ELK3: variants seen among roughly 807,000 people sequenced by gnomAD.
The protein encoded by ELK3 is ETS transcription factor ELK3, also known as ETS domain-containing protein Elk-3.
A neutral mutation model predicts 28.9 loss-of-function variants in ELK3; 10 were observed. The observed-to-expected ratio is 0.35, with a 90% CI of 0.21 to 0.59. The LOEUF (loss-of-function observed/expected upper bound fraction) is 0.59, where lower values mean the gene tolerates loss of function less well. Ranked by LOEUF, ELK3 falls within the 20% of genes least tolerant of loss-of-function variation. The pLI, the probability that ELK3 is intolerant of heterozygous loss-of-function variation, is 0.82. For missense variants in ELK3, 463 were observed against 517.3 expected, an observed-to-expected ratio of 0.90 and a Z score of 1.02; for synonymous variants, 272 against 243.5, an observed-to-expected ratio of 1.12 and a Z score of -1.09.
At chr12:96,218,906 G>T (rs891546269) in intron 1 of ELK3, among the ~76,000 whole-genome samples, 2 of 151,966 alleles carry the variant, frequency 1.3e-5, no homozygotes, top group African/African-American at 4.8e-5. Context: ...CCTCGGCCTC[G>T]CAAAGTGCTG....
rs754927286 is a variant in ELK3, at chr12:96,267,255, G to C, written c.*75G>C. ...CCCCACGGGCTAGTTTACCTGTGTCGTGAGAAGGACATTGTGAAACTCTTG... is the reference window on the plus strand; with the variant it reads ...CCCCACGGGCTAGTTTACCTGTGTCCTGAGAAGGACATTGTGAAACTCTTG... On this transcript the variant is annotated 3_prime_UTR_variant, in exon 5 of 5. Coordinates refer to ENST00000228741, the MANE Select transcript of ELK3 (RefSeq NM_005230.4). 3 of 1,273,700 alleles carry C rather than the reference G, an allele frequency of 2.4e-6. No homozygotes were observed. The highest frequency in any genetic ancestry group is 2.3e-5 in the Admixed American group (1 of 44,296). 78.9% of individuals were successfully genotyped at this position (1,273,700 alleles called of 1,614,324 possible). A position where few individuals can be genotyped will look rare whatever the true frequency, so the allele number is the denominator to read the frequency against.
chr12:96,252,631 A>C (rs934116636), intron 3 of ELK3, among the ~76,000 whole-genome samples: 5 of 152,240 alleles, frequency 3.3e-5, no homozygotes, highest in African/African-American at 1.2e-4. Flanking sequence ...ATGTGGTAGA[A>C]ATAGCAAGAG....
intron 2 of ELK3, among the ~76,000 whole-genome samples, chr12:96,234,796 G>A (rs1022450867): frequency 1.8e-4 from 28 of 152,296 alleles, no homozygotes; most frequent in African/African-American, 6.0e-4. Flanking sequence ...GCAGGGCGGT[G>A]GCAGAGCTTT....
intron 1 of ELK3, among the ~76,000 whole-genome samples, chr12:96,206,788 T>C (rs1951540976): frequency 1.3e-5 from 2 of 152,134 alleles, no homozygotes; most frequent in African/African-American, 2.4e-5. Flanking sequence ...CGAGGATGCT[T>C]TGGGGTACAG....
At chr12:96,197,690 C>T (rs531612253) in intron 1 of ELK3, among the ~76,000 whole-genome samples, 9 of 152,264 alleles carry the variant, frequency 5.9e-5, no homozygotes, top group African/African-American at 9.6e-5. Context: ...CTGTTGAGAC[C>T]AGAATGGCAG....
intron 2 of ELK3, among the ~76,000 whole-genome samples, chr12:96,241,948 A>G (rs1002942222): frequency 1.3e-5 from 2 of 152,224 alleles, no homozygotes; most frequent in African/African-American, 2.4e-5. Context: ...GCCCTTTTGC[A>G]AATACGTATT....
Position 96,251,818 on chromosome 12 carries a change from G to T in ELK3, c.1002+4084G>T, listed in dbSNP as rs370786430. Among the ~76,000 whole-genome samples, 23 of 152,316 alleles carry T rather than the reference G, an allele frequency of 1.5e-4. No individual in the cohort carries two copies. The East Asian group carries it at 1.9e-3, about 13-fold the overall frequency. On this transcript the variant is annotated intron_variant, in intron 3 of 4. Transcript: ENST00000228741. ...AAGCTAGCAGAGGTTGGTTCATGAG[G>T]TTTAAAGAAAAAAGCCATCTCCATA... is the stretch of plus-strand genomic sequence containing the variant.
At chr12:96,216,181 A>C (rs894908490) in intron 1 of ELK3, among the ~76,000 whole-genome samples, 31 of 152,020 alleles carry the variant, frequency 2.0e-4, no homozygotes, top group African/African-American at 7.2e-4. Flanking sequence ...GTCATTTAGA[A>C]CATCTTTCTT....
rs546792878 is a variant in ELK3, at chr12:96,222,320, A to C, written c.-2-1245A>C. ...ATGAGAAAGAGTTCACCAGGCTCCA[A>C]AGCTAAGGAACAGCATTTTAGCCAG... On this transcript the variant is annotated intron_variant, in intron 1 of 4. Transcript: ENST00000228741. Among the ~76,000 whole-genome samples, 12 of 152,362 alleles carry C rather than the reference A, an allele frequency of 7.9e-5. No individual in the cohort carries two copies. In the South Asian group the frequency reaches 2.5e-3, roughly 32 times the overall value.
chr12:96,249,265 C>T (rs1288420142), intron 3 of ELK3, among the ~76,000 whole-genome samples: 3 of 152,168 alleles, frequency 2.0e-5, no homozygotes, highest in African/African-American at 4.8e-5. Context: ...TCACGATGGC[C>T]GTCCATGGAG....
At chr12:96,234,670 A>G (rs1231597882) in intron 2 of ELK3, among the ~76,000 whole-genome samples, 2 of 152,136 alleles carry the variant, frequency 1.3e-5, no homozygotes, top group African/African-American at 2.4e-5. Context: ...TTTTACATCT[A>G]TTAGCTTATT....
rs761763091 is a variant in ELK3 at position 96,223,594 on chromosome 12, T to C, written c.28T>C (p.Phe10Leu). 1 of 1,614,168 alleles carries C rather than the reference T, an allele frequency of 6.2e-7. No homozygotes were observed. Residue 10 changes from phenylalanine to leucine, a missense_variant, in exon 2 of 5, where the codon TTC becomes CTC. Phe to Leu is a conservative substitution (Grantham distance 22, BLOSUM62 0). Coordinates refer to ENST00000228741, the MANE Select transcript of ELK3 (RefSeq NM_005230.4). MESAITLWQ[F>L]LLQLLLDQKH... ...GGAGAGTGCAATCACGCTGTGGCAG[T>C]TCCTGTTGCAGTTGCTGCTGGATCA... is the stretch of plus-strand genomic sequence containing the variant.
chr12:96,232,428 G>A (rs2137022001), intron 2 of ELK3, among the ~76,000 whole-genome samples: 2 of 152,062 alleles, frequency 1.3e-5, no homozygotes, highest in South Asian at 4.2e-4. Context: ...AAATTAGCTG[G>A]GCATGGTGGT....
At chr12:96,201,968 G>C (rs1274506555) in intron 1 of ELK3, among the ~76,000 whole-genome samples, 1 of 152,120 alleles carries the variant, frequency 6.6e-6, no homozygotes, top group Non-Finnish European at 1.5e-5. Context: ...TCATTCTTGG[G>C]GACATCAGTG....
intron 1 of ELK3, among the ~76,000 whole-genome samples, chr12:96,213,120 G>A (rs1322841012): frequency 1.3e-5 from 2 of 152,140 alleles, no homozygotes; most frequent in South Asian, 2.1e-4. Flanking sequence ...AGGCATATAC[G>A]AAGGGGGCAT....
chr12:96,206,129 T>C (rs1044032002), intron 1 of ELK3, among the ~76,000 whole-genome samples: 6 of 152,172 alleles, frequency 3.9e-5, no homozygotes, highest in Non-Finnish European at 8.8e-5. Flanking sequence ...GCATCTTCCT[T>C]CAGCCTCTGC....
intron 1 of ELK3, among the ~76,000 whole-genome samples, chr12:96,200,145 C>G (rs535451474): frequency 6.6e-6 from 1 of 151,966 alleles, no homozygotes; most frequent in Non-Finnish European, 1.5e-5. Flanking sequence ...GTAATTAGAT[C>G]GAGGTAATTA....
chr12:96,244,356 A>G (rs1487613509), intron 2 of ELK3, among the ~76,000 whole-genome samples: 1 of 151,898 alleles, frequency 6.6e-6, no homozygotes, highest in Non-Finnish European at 1.5e-5. Context: ...ATTTTCTGTC[A>G]TTTTTATCAC....
chr12:96,231,492 GA>G (rs1480476735), intron 2 of ELK3, among the ~76,000 whole-genome samples: 1 of 152,146 alleles, frequency 6.6e-6, no homozygotes, highest in Non-Finnish European at 1.5e-5. Flanking sequence ...ACCACTTCTT[GA>G]ATAAGGCTTT....
Sources: gnomAD v4.1 joint callset for allele counts (sites outside exome capture counted in the v4.1 genomes callset) on GRCh38, gnomAD v4.1.1 for gene constraint, MANE v1.5 for transcripts, NCBI Gene and HGNC (gene_info 2026-07-23, HGNC 2026-07-21) for gene names.